The following CFAP36 variants were observed in gnomAD, a reference collection of about 807,000 sequenced individuals.
CFAP36 encodes the protein cilia and flagella associated protein 36, also known as cilia- and flagella-associated protein 36.
Under a neutral mutation model 50.5 loss-of-function variants are expected in CFAP36, and 37 were observed. The ratio of observed to expected loss-of-function variants is 0.73; its 90% confidence interval spans 0.56 to 0.96. CFAP36 has a LOEUF of 0.96. CFAP36 is among the 50% of genes least tolerant of loss of function. The probability of loss-of-function intolerance (pLI) is 0.00; values close to 1 mark genes in which losing one functional copy is unlikely to be tolerated. For missense variants in CFAP36, 407 were observed against 396.2 expected (o/e 1.03, Z -0.23); for synonymous variants, 138 against 128.2 (o/e 1.08, Z -0.52).
At chr2:55,537,334 G>A (rs1302628776) in intron 6 of CFAP36, 149 bp from the exon 7 acceptor site, 2 of 534,666 alleles carry the variant, frequency 3.7e-6, no homozygotes, top group African/African-American at 2.0e-5. Flanking sequence ...TCACACTACT[G>A]CACTCCAGTC....
intron 7 of CFAP36, chr2:55,538,943 A>T (rs1374317277): frequency 3.5e-6 from 5 of 1,415,402 alleles, no homozygotes; most frequent in Non-Finnish European, 4.6e-6. Flanking sequence ...GTTGGAGAAC[A>T]CCTTTCTTTA....
intron 2 of CFAP36, 74 bp from the exon 3 acceptor site, chr2:55,523,647 C>T: frequency 1.1e-6 from 1 of 930,444 alleles, no homozygotes; most frequent in Non-Finnish European, 1.6e-6. Context: ...CTTTTCTAAA[C>T]TAAATACTTA....
chr2:55,543,529 G>A (rs757913724), intron 7 of CFAP36, among the ~76,000 whole-genome samples: 3 of 152,140 alleles, frequency 2.0e-5, no homozygotes, highest in African/African-American at 7.2e-5. Context: ...TGAAAGTATA[G>A]GGTGACTTTT....
At chr2:55,520,391 C>T (rs780860954) in intron 1 of CFAP36, 16 of 1,533,576 alleles carry the variant, frequency 1.0e-5, no homozygotes, top group African/African-American at 6.9e-5. Context: ...AATGATTTCA[C>T]TCCAAACCAA....
intron 7 of CFAP36, chr2:55,538,694 C>A: frequency 7.6e-7 from 1 of 1,320,006 alleles, no homozygotes; most frequent in South Asian, 1.4e-5. Flanking sequence ...CCTCCTGCCT[C>A]AGCCTCCCAA....
At chr2:55,537,385 A>AT in intron 6 of CFAP36, 98 bp from the exon 7 acceptor site, 1 of 838,380 alleles carries the variant, frequency 1.2e-6, no homozygotes, top group Non-Finnish European at 1.8e-6. Context: ...GAAAAAAAAA[A>AT]GAAAACTATA....
At chr2:55,532,679 A>C (rs562876148) in intron 4 of CFAP36, among the ~76,000 whole-genome samples, 1 of 152,362 alleles carries the variant, frequency 6.6e-6, no homozygotes, top group African/African-American at 2.4e-5. Flanking sequence ...ACTTACCTCA[A>C]AATAAAACAT....
chr2:55,540,193 A>G (rs1684597521), intron 7 of CFAP36, among the ~76,000 whole-genome samples: 1 of 152,192 alleles, frequency 6.6e-6, no homozygotes. Flanking sequence ...GTATCAAAAA[A>G]GTCATCACCA....
intron 5 of CFAP36, among the ~76,000 whole-genome samples, chr2:55,534,495 C>T (rs1046713588): frequency 1.3e-5 from 2 of 152,196 alleles, no homozygotes; most frequent in African/African-American, 4.8e-5. Context: ...AAATGCCTGG[C>T]AAAGAGTGTG....
chr2:55,537,949 TG>T (rs1285100341), intron 7 of CFAP36, among the ~76,000 whole-genome samples: 1 of 152,224 alleles, frequency 6.6e-6, no homozygotes, highest in Non-Finnish European at 1.5e-5. Context: ...AAGCTGAACT[TG>T]GAAAGATAAT....
intron 4 of CFAP36, 59 bp downstream of exon 4, chr2:55,529,051 T>A: frequency 8.8e-7 from 1 of 1,139,206 alleles, no homozygotes; most frequent in Non-Finnish European, 1.3e-6. Context: ...CAGTTTTGAC[T>A]ATTCTAATAT....
At chr2:55,535,595 C>G (rs1684459936) in intron 5 of CFAP36, 117 bp from the exon 6 acceptor site, 2 of 746,736 alleles carry the variant, frequency 2.7e-6, no homozygotes, top group South Asian at 4.5e-5. Flanking sequence ...TATCTTCCAT[C>G]TTTGTGTCTA....
intron 2 of CFAP36, among the ~76,000 whole-genome samples, chr2:55,523,410 A>G (rs887997194): frequency 2.0e-5 from 3 of 151,984 alleles, no homozygotes; most frequent in African/African-American, 4.8e-5. Flanking sequence ...GTGAGACTCC[A>G]TCTCAAAAAA....
intron 1 of CFAP36, 148 bp downstream of exon 1, chr2:55,520,064 C>A: frequency 1.4e-6 from 1 of 695,758 alleles, no homozygotes; most frequent in Non-Finnish European, 2.5e-6. Context: ...ACCACCTTCT[C>A]CACCCGCGTC....
rs757575053 is a variant in CFAP36, at chr2:55,544,996, T to C, written c.1017T>C (p.Val339=). Residue 339 remains valine (V), a synonymous_variant, in exon 10 of 10, where the codon GTT becomes GTC. Transcript: ENST00000349456. ...RLLAEKLKEE[V]INK Reference sequence around the variant, plus strand: ...TTGCAGAGAAACTCAAAGAAGAAGTTATTAATAAGTAATAATTAAGAACAA... The same window carrying C: ...TTGCAGAGAAACTCAAAGAAGAAGTCATTAATAAGTAATAATTAAGAACAA... 8 of 1,553,042 alleles carry C rather than the reference T, an allele frequency of 5.2e-6. No individual in the cohort carries two copies. Among genetic ancestry groups the C allele is most frequent in the Non-Finnish European group, 7.0e-6 (8 of 1,136,852 alleles).
At chr2:55,533,162 T>G (rs554773172) in intron 4 of CFAP36, among the ~76,000 whole-genome samples, 8 of 152,390 alleles carry the variant, frequency 5.2e-5, no homozygotes, top group Admixed American at 3.9e-4. Context: ...TATTTTGTTT[T>G]GTGACTCTTC....
chr2:55,540,081 G>T (rs967859264), intron 7 of CFAP36, among the ~76,000 whole-genome samples: 15 of 152,194 alleles, frequency 9.9e-5, no homozygotes, highest in African/African-American at 3.4e-4. Context: ...TCCAGTCTGT[G>T]GCTTGTCTTC....
At chr2:55,532,912 A>T (rs1684388140) in intron 4 of CFAP36, among the ~76,000 whole-genome samples, 1 of 152,240 alleles carries the variant, frequency 6.6e-6, no homozygotes, top group Non-Finnish European at 1.5e-5. Context: ...AGTAAATTAA[A>T]CCAATATTTT....
chr2:55,528,441 C>G (rs193269775), intron 3 of CFAP36, among the ~76,000 whole-genome samples: 440 of 151,854 alleles, frequency 2.9e-3, no homozygotes, highest in Middle Eastern at 6.8e-3. Flanking sequence ...GTCACCCAGG[C>G]TGGAGTGCAG....
Sources: allele counts gnomAD v4.1 joint callset (sites outside exome capture counted in the v4.1 genomes callset), GRCh38; gene constraint gnomAD v4.1.1; transcripts MANE v1.5; gene names NCBI Gene and HGNC (gene_info 2026-07-23, HGNC 2026-07-21).